Variants in ANK2 observed in about 807,000 individuals in gnomAD.
The protein encoded by ANK2 is ankyrin 2.
ANK2 carries 83 observed loss-of-function variants against 360.5 expected under a neutral mutation model. The ratio of observed to expected loss-of-function variants is 0.23; its 90% CI spans 0.19 to 0.28. The LOEUF (loss-of-function observed/expected upper bound fraction) is 0.28, where lower values mean the gene tolerates loss of function less well. Among genes scored for constraint, ANK2 ranks in the 10% least tolerant of loss-of-function variants. The pLI, the probability that ANK2 is intolerant of heterozygous loss-of-function variation, is 1.00. For missense variants in ANK2, 4,201 were observed against 4,795.7 expected, an observed-to-expected ratio of 0.88 and a Z score of 3.66; for synonymous variants, 1,740 against 1,759.5, an observed-to-expected ratio of 0.99 and a Z score of 0.28.
At chr4:113,081,331 C>T (rs1048707280) in intron 1 of ANK2, among the ~76,000 whole-genome samples, 3 of 152,118 alleles carry the variant, frequency 2.0e-5, no homozygotes, top group African/African-American at 7.2e-5. Flanking sequence ...TTAATTTATT[C>T]TAAGAGCTTG....
intron 2 of ANK2, among the ~76,000 whole-genome samples, chr4:112,943,591 A>G (rs927228178): frequency 6.6e-6 from 1 of 151,984 alleles, no homozygotes; most frequent in African/African-American, 2.4e-5. Flanking sequence ...CTGTCTCCTT[A>G]CCTTTAAAAC....
At chr4:112,993,739 C>G (rs1385377076) in intron 2 of ANK2, among the ~76,000 whole-genome samples, 1 of 151,362 alleles carries the variant, frequency 6.6e-6, no homozygotes, top group Non-Finnish European at 1.5e-5. Flanking sequence ...CAGGGACTCA[C>G]TCTGTCACCC....
At chr4:113,157,204 T>C (rs1008883794) in intron 1 of ANK2, among the ~76,000 whole-genome samples, 8 of 152,150 alleles carry the variant, frequency 5.3e-5, no homozygotes, top group African/African-American at 1.9e-4. Flanking sequence ...TTCTTAAAGG[T>C]GTAATCAACA....
intron 2 of ANK2, among the ~76,000 whole-genome samples, chr4:112,960,036 T>G (rs2033879775): frequency 6.6e-6 from 1 of 152,130 alleles, no homozygotes; most frequent in African/African-American, 2.4e-5. Context: ...TGGTCTCCTG[T>G]GGTGGCAATG....
At chr4:112,973,285 A>T (rs2040230412) in intron 2 of ANK2, among the ~76,000 whole-genome samples, 1 of 152,184 alleles carries the variant, frequency 6.6e-6, no homozygotes, top group Non-Finnish European at 1.5e-5. Context: ...AATTAAGAAG[A>T]TGCAGTTTAA....
chr4:113,156,751 GTTTTC>G (rs1226820092), intron 1 of ANK2, among the ~76,000 whole-genome samples: 2 of 149,180 alleles, frequency 1.3e-5, no homozygotes, highest in African/African-American at 2.5e-5. Context: ...CCGTAATTTT[GTTTTC>G]TTTTATAGTC....
intron 1 of ANK2, among the ~76,000 whole-genome samples, chr4:113,133,394 A>G (rs2096188176): frequency 6.6e-6 from 1 of 152,094 alleles, no homozygotes; most frequent in Non-Finnish European, 1.5e-5. Context: ...AATGGGGTAG[A>G]TATTCTAAAT....
intron 2 of ANK2, among the ~76,000 whole-genome samples, chr4:112,938,627 A>G (rs1334820983): frequency 6.6e-6 from 1 of 152,238 alleles, no homozygotes; most frequent in African/African-American, 2.4e-5. Context: ...GAGGCAAGCT[A>G]AGTAAATTTT....
the ANK2 span, among the ~76,000 whole-genome samples, chr4:112,770,728 T>C: frequency 7.0e-6 from 1 of 143,056 alleles, no homozygotes; most frequent in Admixed American, 6.9e-5. Flanking sequence ...AAAAAAAAAG[T>C]GCATTATAAT....
intron 4 of ANK2, among the ~76,000 whole-genome samples, chr4:113,220,042 GT>G (rs375674614): frequency 6.6e-6 from 1 of 152,086 alleles, no homozygotes; most frequent in African/African-American, 2.4e-5. Context: ...ACTCAGAATT[GT>G]TTTTTTCCTC....
chr4:112,823,640 G>C (rs1228073580), intron 1 of ANK2, among the ~76,000 whole-genome samples: 1 of 151,346 alleles, frequency 6.6e-6, no homozygotes, highest in African/African-American at 2.4e-5. Flanking sequence ...TTCACTCTTT[G>C]AGGTCTTGGG....
intron 1 of ANK2, among the ~76,000 whole-genome samples, chr4:113,156,077 G>A (rs2097277230): frequency 6.6e-6 from 1 of 152,094 alleles, no homozygotes; most frequent in South Asian, 2.1e-4. Context: ...TTAAACAATG[G>A]ACACAATCAA....
chr4:113,199,162 T>G (rs2098793806), intron 4 of ANK2, 53 bp downstream of exon 4: 1 of 1,409,438 alleles, frequency 7.1e-7, no homozygotes. Flanking sequence ...AGAACAGTTT[T>G]GTGAAATTGA....
At chr4:113,239,414 A>G (rs2099407793) in intron 7 of ANK2, among the ~76,000 whole-genome samples, 1 of 152,178 alleles carries the variant, frequency 6.6e-6, no homozygotes, top group Non-Finnish European at 1.5e-5. Context: ...TTTCTTAAAA[A>G]CAATACAGTA....
At chr4:113,317,295 A>T (rs2083427124) in intron 24 of ANK2, among the ~76,000 whole-genome samples, 1 of 152,198 alleles carries the variant, frequency 6.6e-6, no homozygotes, top group Non-Finnish European at 1.5e-5. Flanking sequence ...TCTGAGGGCC[A>T]TCTACTTTCC....
At chr4:113,246,512 T>G (rs2042963528) in intron 9 of ANK2, among the ~76,000 whole-genome samples, 1 of 152,212 alleles carries the variant, frequency 6.6e-6, no homozygotes, top group Admixed American at 6.5e-5. Context: ...AAAATGAAAT[T>G]ATAAATTTAG....
At chr4:112,731,105 C>T in the ANK2 span, among the ~76,000 whole-genome samples, 1 of 151,410 alleles carries the variant, frequency 6.6e-6, no homozygotes, top group Admixed American at 6.6e-5. Context: ...TACACCACTG[C>T]ACTCCAGTCT....
At chr4:113,162,832 C>A (rs545485607) in intron 1 of ANK2, among the ~76,000 whole-genome samples, 4 of 151,434 alleles carry the variant, frequency 2.6e-5, no homozygotes, top group African/African-American at 9.7e-5. Flanking sequence ...TCTAACACAG[C>A]GCCTGGTACA....
chr4:113,122,335 C>T (rs1253740078), intron 1 of ANK2, among the ~76,000 whole-genome samples: 1 of 152,052 alleles, frequency 6.6e-6, no homozygotes, highest in Non-Finnish European at 1.5e-5. Flanking sequence ...GAAGTTGCAA[C>T]ACTTAGTCAA....
Sources: gnomAD v4.1 joint callset for allele counts (sites outside exome capture counted in the v4.1 genomes callset) on GRCh38, gnomAD v4.1.1 for gene constraint, MANE v1.5 for transcripts, NCBI Gene and HGNC (gene_info 2026-07-23, HGNC 2026-07-21) for gene names.